Variants in KRR1 observed in about 807,000 individuals in gnomAD.
The protein encoded by KRR1 is KRR1 small subunit processome component homolog.
A neutral mutation model predicts 50.0 loss-of-function variants in KRR1; 23 were observed. The observed-to-expected ratio is 0.46, with a 90% confidence interval of 0.33 to 0.65. KRR1 has a LOEUF of 0.65. Among genes scored for constraint, KRR1 ranks in the 30% least tolerant of loss-of-function variants. KRR1 has a pLI of 0.02. For missense variants in KRR1, 419 were observed against 442.4 expected, an observed-to-expected ratio of 0.95 and a Z score of 0.47; for synonymous variants, 133 against 146.3, an observed-to-expected ratio of 0.91 and a Z score of 0.66.
rs1282670313 is a variant in KRR1, at chr12:75,508,296, A to G, written c.236T>C (p.Val79Ala). 4 of 1,610,938 alleles carry G rather than the reference A, an allele frequency of 2.5e-6. 1 individual carries two copies. The South Asian group carries it at 4.4e-5, about 18-fold the overall frequency. ...TACATGTTCATTTAAGGCTTTCTGC[A>G]CCAATGGCCAACACTCTTTCAAGTA... The part of the protein sequence containing the change: ...EAYLKECWPL[V>A]QKALNEHHVN... Residue 79 changes from valine to alanine, a missense_variant, in exon 2 of 10, where the codon GTG (valine) becomes GCG (alanine). Val to Ala is a moderately conservative substitution (Grantham distance 64). Transcript: ENST00000229214.
intron 9 of KRR1, chr12:75,500,909 T>C (rs887128990): frequency 6.6e-6 from 1 of 152,104 alleles, no homozygotes; most frequent in African/African-American, 2.4e-5. Context: ...GAAATTATAA[T>C]ACTTATGACA....
Position 75,508,387 on chromosome 12 carries a change from CCT to C in KRR1, c.143_144del (p.Glu48GlyfsTer37). The C allele has an allele frequency of 6.2e-7, 1 of 1,613,110 alleles. No individual in the cohort carries two copies. Among genetic ancestry groups the C allele is most frequent in the East Asian group, 2.2e-5 (1 of 44,808 alleles). On this transcript the variant is annotated frameshift_variant, in exon 2 of 10. Transcript: ENST00000229214. LOFTEE classifies it high-confidence loss of function. ...DGWKEPAFSK[E>X]DNPRGLLEES... ...TCCTCCAAAAGTCCTCTGGGATTGT[CCT>C]CTTTGGAAAAAGCTGGTTCCTTCCA...
At position 75,496,857 on chromosome 12, in the gene KRR1, T is replaced by C. The variant is rs374182056; in HGVS notation, c.*2952A>G. Reference sequence around the variant, plus strand: ...CTTCCCATTTAATGTTGAATACTTATCTTTACATACAGTCGTACTTTTGCA... The same window carrying C: ...CTTCCCATTTAATGTTGAATACTTACCTTTACATACAGTCGTACTTTTGCA... On this transcript the variant is annotated 3_prime_UTR_variant, in exon 10 of 10. Transcript: ENST00000229214. The C allele has an allele frequency of 3.9e-5, 6 of 152,244 alleles. No homozygotes were observed. The highest frequency in any genetic ancestry group is 7.3e-5 in the Non-Finnish European group (5 of 68,046). 9.4% of individuals were successfully genotyped at this position (152,244 alleles called of 1,614,324 possible).
rs1566101406 is a variant in KRR1 at position 75,498,727 on chromosome 12, A to ACAT, written c.*1079_*1081dup. On this transcript the variant is annotated 3_prime_UTR_variant, in exon 10 of 10. Coordinates refer to ENST00000229214, the MANE Select transcript of KRR1 (RefSeq NM_007043.7). Reference sequence around the variant, plus strand: ...CAGCGAGACCAAGTCAAACGTACGTACATCAATCTTAAATTGTTTCATTAA... The same window carrying ACAT: ...CAGCGAGACCAAGTCAAACGTACGTACATCATCAATCTTAAATTGTTTCATTAA... 2 of 1,612,440 alleles carry ACAT rather than the reference A, an allele frequency of 1.2e-6. No individual in the cohort carries two copies. The highest frequency in any genetic ancestry group is 1.7e-5 in the Admixed American group (1 of 59,946).
At chr12:75,511,311 CA>C (rs2046447390) in intron 1 of KRR1, among the ~76,000 whole-genome samples, 1 of 152,218 alleles carries the variant, frequency 6.6e-6, no homozygotes, top group Non-Finnish European at 1.5e-5. Context: ...TTAGCAAAAG[CA>C]ATGAATTAGG....
rs2120546873 is a variant in KRR1, at chr12:75,493,767, C to G, written c.*6042G>C. The G allele has an allele frequency of 6.6e-6, 1 of 152,352 alleles. No individual in the cohort carries two copies. Among genetic ancestry groups the G allele is most frequent in the South Asian group, 2.1e-4 (1 of 4,830 alleles). The allele number at this position is 152,352 out of a possible 1,614,324, so 9.4% of individuals were successfully genotyped here. A position where few individuals can be genotyped will look rare whatever the true frequency, so the allele number is the denominator to read the frequency against. On this transcript the variant is annotated 3_prime_UTR_variant, in exon 10 of 10. Transcript: ENST00000229214. ...TGCTGAATACTTTAGGTCCCACAGT[C>G]TTAATGACTCCCATCTAGACAAATC...
chr12:75,494,396 T>C lies in KRR1; in HGVS notation c.*5413A>G, dbSNP rs1320189861. On this transcript the variant is annotated 3_prime_UTR_variant, in exon 10 of 10. Transcript: ENST00000229214. ...TGACTCTGACTTAGCAGTATCATCT[T>C]TGTAAATATCAGATATTTTCATACC... 1.3e-5 allele frequency: 2 copies of C among 152,338 alleles called. No individual in the cohort carries two copies. Among genetic ancestry groups the C allele is most frequent in the Non-Finnish European group, 1.5e-5 (1 of 68,032 alleles). The allele number at this position is 152,338 out of a possible 1,614,324, so 9.4% of individuals were successfully genotyped here.
intron 1 of KRR1, among the ~76,000 whole-genome samples, chr12:75,510,710 T>C (rs2120642615): frequency 6.6e-6 from 1 of 152,356 alleles, no homozygotes; most frequent in Non-Finnish European, 1.5e-5. Context: ...TCTATTTTAC[T>C]TAGTCTGAAT....
In KRR1 at chr12:75,499,859, T is replaced by C; in HGVS notation, c.1096A>G (p.Ile366Val). 6.2e-7 allele frequency: 1 copy of C among 1,608,876 alleles called. No homozygotes were observed. Among genetic ancestry groups the C allele is most frequent in the Non-Finnish European group, 8.5e-7 (1 of 1,177,884 alleles). The change falls in exon 10 of 10, where the codon ATT (isoleucine) becomes GTT (valine). Residue 366 changes from isoleucine (I) to valine (V), a missense_variant. Coordinates refer to ENST00000229214, the MANE Select transcript of KRR1 (RefSeq NM_007043.7). ...TCATCTGCCTCCATCTTAAGTGCAA[T>C]TTCTTCAGCTGTAAGAGCTCCCAGT... is the stretch of plus-strand genomic sequence containing the variant. ...KKLGALTAEE[I>V]ALKMEADEKK...
At position 75,498,269 on chromosome 12, in the gene KRR1, G is replaced by A. The variant is rs866751635; in HGVS notation, c.*1540C>T. 1 of 155,512 alleles carries A rather than the reference G, an allele frequency of 6.4e-6. No homozygotes were observed. The highest frequency in any genetic ancestry group is 2.4e-5 in the African/African-American group (1 of 41,460). The allele number at this position is 155,512 out of a possible 1,614,324, so 9.6% of individuals were successfully genotyped here. On this transcript the variant is annotated 3_prime_UTR_variant, in exon 10 of 10. Transcript: ENST00000229214. ...GTAATGATGATTTAGTGATATACTA[G>A]ACTGGATGAAAGAGAGGTCACTGTC...
intron 1 of KRR1, among the ~76,000 whole-genome samples, chr12:75,511,159 C>T (rs1003183388): frequency 1.3e-5 from 2 of 152,226 alleles, no homozygotes; most frequent in Non-Finnish European, 2.9e-5. Flanking sequence ...ACTACCTATT[C>T]CCACCTCACC....
At chr12:75,504,815 G>C (rs1016281441) in intron 6 of KRR1, among the ~76,000 whole-genome samples, 1 of 152,022 alleles carries the variant, frequency 6.6e-6, no homozygotes, top group Non-Finnish European at 1.5e-5. Flanking sequence ...CGCAACATGA[G>C]ATGTTCCAGA....
chr12:75,508,606 T>C (rs1337462687), intron 1 of KRR1, among the ~76,000 whole-genome samples, 160 bp from the exon 2 acceptor site: 1 of 152,238 alleles, frequency 6.6e-6, no homozygotes, highest in Non-Finnish European at 1.5e-5. Context: ...TTTTATATTA[T>C]TCAAGAGTCA....
Position 75,493,040 on chromosome 12 carries a change from A to G in KRR1, c.*6769T>C, listed in dbSNP as rs1022158736. On this transcript the variant is annotated 3_prime_UTR_variant, in exon 10 of 10. Transcript: ENST00000229214. ...AAAGAACAGCAAAACTTCCGTGAAG[A>G]AAAGTTTGGCAAGTTTAAACCACAG... is the stretch of plus-strand genomic sequence containing the variant. 6.6e-6 allele frequency: 1 copy of G among 152,244 alleles called. No individual in the cohort carries two copies. Among genetic ancestry groups the G allele is most frequent in the African/African-American group, 2.4e-5 (1 of 41,456 alleles). The allele number at this position is 152,244 out of a possible 1,614,324, so 9.4% of individuals were successfully genotyped here.
Position 75,508,261 on chromosome 12 carries a change from A to G in KRR1, c.258+13T>C. 2 of 1,574,186 alleles carry G rather than the reference A, an allele frequency of 1.3e-6. No individual in the cohort carries two copies. Among genetic ancestry groups the G allele is most frequent in the Non-Finnish European group, 1.7e-6 (2 of 1,158,754 alleles). ...AAGTCTCAAATAAATGTATTGATAT[A>G]AGATACACATACATGTTCATTTAAG... On this transcript the variant is annotated intron_variant, in intron 2 of 9. Transcript: ENST00000229214.
chr12:75,506,425 T>A, intron 4 of KRR1, 26 bp from the exon 5 acceptor site: 1 of 1,604,780 alleles, frequency 6.2e-7, no homozygotes, highest in Non-Finnish European at 8.5e-7. Flanking sequence ...AAGTTAAAAT[T>A]CATTACTCTG....
At chr12:75,505,826 A>G (rs1419809067) in intron 5 of KRR1, among the ~76,000 whole-genome samples, 2 of 152,140 alleles carry the variant, frequency 1.3e-5, no homozygotes, top group Non-Finnish European at 2.9e-5. Context: ...CACCACATGT[A>G]ATTTGAGAAG....
In KRR1 at chr12:75,502,467, G is replaced by A. The variant is rs1054272708; in HGVS notation, c.832-467C>T. ...GCAGAATAAAAGCCAGAACTATCAG[G>A]AATTGGTGACTAATTAGCAAAAGCA... On this transcript the variant is annotated intron_variant, in intron 7 of 9. Coordinates refer to ENST00000229214, the MANE Select transcript of KRR1 (RefSeq NM_007043.7). The A allele has an allele frequency of 2.0e-5, 3 of 153,722 alleles. No homozygotes were observed. In the Admixed American group the frequency reaches 2.0e-4, roughly 10 times the overall value. The allele number at this position is 153,722 out of a possible 1,614,324, so 9.5% of individuals were successfully genotyped here.
rs770080673 is a variant in KRR1 at position 75,501,795 on chromosome 12, T to C, written c.931A>G (p.Ser311Gly). The change falls in exon 9 of 10, where the codon AGT (serine) becomes GGT (glycine). Residue 311 changes from serine to glycine, a missense_variant. Transcript: ENST00000229214. ...TTGTTTCTTTCCTCTTGTCTCTTAC[T>C]GATGGCTTCTGCTTGTTTAGCCTAC... ...AIKAKQAEAI[S>G]KRQEERNKAF... is the part of the protein sequence containing the mutation. 1.2e-6 allele frequency: 2 copies of C among 1,609,890 alleles called. No homozygotes were observed. Among genetic ancestry groups the C allele is most frequent in the South Asian group, 2.2e-5 (2 of 90,536 alleles).
Sources: gnomAD v4.1 joint callset for allele counts (sites outside exome capture counted in the v4.1 genomes callset) on GRCh38, gnomAD v4.1.1 for gene constraint, MANE v1.5 for transcripts, NCBI Gene and HGNC (gene_info 2026-07-23, HGNC 2026-07-21) for gene names.